The following ATP6V0D2 variants were observed in gnomAD, a reference collection of about 807,000 sequenced individuals.
ATP6V0D2 encodes ATPase H+ transporting V0 subunit d2.
A neutral mutation model predicts 40.0 loss-of-function variants in ATP6V0D2; 40 were observed. That is an observed-to-expected ratio of 1.00 (90% CI 0.78 to 1.30). The LOEUF (loss-of-function observed/expected upper bound fraction) is 1.30, where lower values mean the gene tolerates loss of function less well. ATP6V0D2 is among the 50% of genes most tolerant of loss of function. The probability of loss-of-function intolerance (pLI) is 0.00; values close to 1 mark genes in which losing one functional copy is unlikely to be tolerated. For missense variants in ATP6V0D2, 470 were observed against 423.1 expected (o/e 1.11, Z -0.97); for synonymous variants, 179 against 156.3 (o/e 1.15, Z -1.08).
chr8:86,105,136 C>G (rs1818452593), intron 1 of ATP6V0D2, among the ~76,000 whole-genome samples: 1 of 152,004 alleles, frequency 6.6e-6, no homozygotes, highest in African/African-American at 2.4e-5. Flanking sequence ...CTCCACGGTA[C>G]CTTGTAATGA....
intron 4 of ATP6V0D2, among the ~76,000 whole-genome samples, chr8:86,142,004 C>T (rs1818981707): frequency 6.6e-6 from 1 of 152,168 alleles, no homozygotes; most frequent in African/African-American, 2.4e-5. Context: ...TACACTGCAT[C>T]ATAGGTACCA....
chr8:86,099,655 G>T (rs924360585), intron 1 of ATP6V0D2, among the ~76,000 whole-genome samples: 5 of 152,054 alleles, frequency 3.3e-5, no homozygotes, highest in Non-Finnish European at 5.9e-5. Flanking sequence ...CACCTGGCCC[G>T]ACTAATTTTT....
In ATP6V0D2 at chr8:86,113,875, T is replaced by A; in HGVS notation, c.297T>A (p.Tyr99Ter). 1 of 1,610,548 alleles carries A rather than the reference T, an allele frequency of 6.2e-7. No homozygotes were observed. Among genetic ancestry groups the A allele is most frequent in the Non-Finnish European group, 8.5e-7 (1 of 1,178,434 alleles). The change falls in exon 2 of 8, where the codon TAT (tyrosine) becomes TAA (stop). Residue 99 changes from tyrosine (Y) to a stop codon, truncating the protein, a stop_gained. Coordinates refer to ENST00000285393, the MANE Select transcript of ATP6V0D2 (RefSeq NM_152565.1). LOFTEE classifies it high-confidence loss of function. ...SLEPLSTFLT[Y>*]MTCSYMIDNV... ...AGCCCCTCAGCACATTTCTCACCTA[T>A]ATGACGTAAGTGATGACAGAAAGCC...
intron 1 of ATP6V0D2, among the ~76,000 whole-genome samples, chr8:86,109,483 A>G (rs1028419768): frequency 6.6e-6 from 1 of 152,098 alleles, no homozygotes. Context: ...TCCACTTTTC[A>G]CTGATTACAG....
intron 2 of ATP6V0D2, among the ~76,000 whole-genome samples, chr8:86,122,802 G>A (rs1818686985): frequency 6.6e-6 from 1 of 152,232 alleles, no homozygotes; most frequent in South Asian, 2.1e-4. Context: ...GAAAGAATAA[G>A]TGAGGCATGA....
At chr8:86,151,806 C>G (rs891777836) in intron 7 of ATP6V0D2, among the ~76,000 whole-genome samples, 6 of 144,128 alleles carry the variant, frequency 4.2e-5, no homozygotes, top group Non-Finnish European at 6.0e-5. Flanking sequence ...TTAAAAACTG[C>G]GAGAAGTAAT....
rs930409941 is a variant in ATP6V0D2 at position 86,139,405 on chromosome 8, T to A, written c.303-52T>A. 2.0e-6 allele frequency: 3 copies of A among 1,500,196 alleles called. No individual in the cohort carries two copies. In the African/African-American group the frequency reaches 4.2e-5, roughly 21 times the overall value. 92.9% of individuals were successfully genotyped at this position (1,500,196 alleles called of 1,614,324 possible). Reference sequence around the variant, plus strand: ...TGTGTGTTTTTTACTTGTGGGATGCTTCTTATCCTTTTGCAGCTGTCCTCT... The same window carrying A: ...TGTGTGTTTTTTACTTGTGGGATGCATCTTATCCTTTTGCAGCTGTCCTCT... On this transcript the variant is annotated intron_variant, in intron 2 of 7. Transcript: ENST00000285393.
At chr8:86,110,739 T>C (rs568371396) in intron 1 of ATP6V0D2, among the ~76,000 whole-genome samples, 1 of 152,302 alleles carries the variant, frequency 6.6e-6, no homozygotes, top group African/African-American at 2.4e-5. Flanking sequence ...CAAAACTTGA[T>C]GATTTGGAAA....
intron 5 of ATP6V0D2, 115 bp downstream of exon 5, chr8:86,143,069 A>G: frequency 1.6e-6 from 1 of 631,108 alleles, no homozygotes. Context: ...TAGAAGTAAG[A>G]CAAGCAGTAC....
At position 86,151,488 on chromosome 8, in the gene ATP6V0D2, C is replaced by T; in HGVS notation, c.839C>T (p.Ala280Val). 2 of 1,605,146 alleles carry T rather than the reference C, an allele frequency of 1.2e-6. No individual in the cohort carries two copies. The highest frequency in any genetic ancestry group is 1.7e-6 in the Non-Finnish European group (2 of 1,176,176). The change falls in exon 7 of 8, where the codon GCT becomes GTT. Residue 280 changes from alanine (A) to valine (V), a missense_variant. By Grantham distance (64) the Ala-to-Val change is moderately conservative. Coordinates refer to ENST00000285393, the MANE Select transcript of ATP6V0D2 (RefSeq NM_152565.1). ...AAGGTATACAAACCTTTATTTGAAGCTGTAGGTGGCAGTGGGGGAAAGACA... is the reference window on the plus strand; with the variant it reads ...AAGGTATACAAACCTTTATTTGAAGTTGTAGGTGGCAGTGGGGGAAAGACA... ...HYGVYKPLFE[A>V]VGGSGGKTLE... is the part of the protein sequence containing the mutation.
In ATP6V0D2 at chr8:86,115,927, T is replaced by C. The variant is rs1818586990; in HGVS notation, c.302+2047T>C. On this transcript the variant is annotated intron_variant, in intron 2 of 7. Transcript: ENST00000285393. ...TTCCATGAAAACAGACCTGCATTCC[T>C]AGGCCTTTGGCACAAAGGAAAACCA... 3.3e-5 allele frequency among the ~76,000 whole-genome samples: 5 copies of C among 152,280 alleles called. No individual in the cohort carries two copies. In the South Asian group the frequency reaches 1.0e-3, roughly 32 times the overall value.
At chr8:86,129,503 C>T (rs1331214332) in intron 2 of ATP6V0D2, among the ~76,000 whole-genome samples, 7 of 151,304 alleles carry the variant, frequency 4.6e-5, no homozygotes, top group African/African-American at 9.7e-5. Context: ...CAGGGAGACC[C>T]TGTCTCTATA....
At chr8:86,112,940 A>G (rs1333740758) in intron 1 of ATP6V0D2, among the ~76,000 whole-genome samples, 1 of 152,134 alleles carries the variant, frequency 6.6e-6, no homozygotes, top group East Asian at 1.9e-4. Flanking sequence ...TTCGTCTGTA[A>G]TAAAAGGATA....
intron 2 of ATP6V0D2, among the ~76,000 whole-genome samples, chr8:86,133,710 G>A (rs754258075): frequency 1.3e-5 from 2 of 151,958 alleles, no homozygotes; most frequent in South Asian, 2.1e-4. Context: ...GCAAATGCTC[G>A]ATGGGGACCC....
chr8:86,150,918 C>T (rs1168866167), intron 6 of ATP6V0D2, among the ~76,000 whole-genome samples: 1 of 152,152 alleles, frequency 6.6e-6, no homozygotes, highest in Non-Finnish European at 1.5e-5. Context: ...TTTTCCAGGG[C>T]TAGAATGACA....
intron 4 of ATP6V0D2, among the ~76,000 whole-genome samples, chr8:86,142,429 G>A (rs948198336): frequency 2.0e-5 from 3 of 152,158 alleles, no homozygotes; most frequent in Non-Finnish European, 4.4e-5. Flanking sequence ...TTAGAGTTGG[G>A]ATCCAAACTC....
chr8:86,103,169 C>G (rs1968869), intron 1 of ATP6V0D2, among the ~76,000 whole-genome samples: 103,094 of 151,626 alleles, frequency 0.68, 36,249 homozygotes, highest in African/African-American at 0.86. Context: ...CCAGGCTGGT[C>G]TCCAATGGCA....
At chr8:86,145,255 G>GAGAGAC (rs1563566173) in intron 5 of ATP6V0D2, among the ~76,000 whole-genome samples, 1 of 51,842 alleles carries the variant, frequency 1.9e-5, no homozygotes, top group South Asian at 5.5e-4. Context: ...GAGAGAGAGA[G>GAGAGAC]AGAAAGAAAG....
At chr8:86,139,756 T>C (rs1403267163) in intron 3 of ATP6V0D2, 121 bp downstream of exon 3, 4 of 1,094,190 alleles carry the variant, frequency 3.7e-6, no homozygotes, top group Non-Finnish European at 3.9e-6. Context: ...ACAATTTTTT[T>C]CCATGAATAC....
Sources: gnomAD v4.1 joint callset for allele counts (sites outside exome capture counted in the v4.1 genomes callset) on GRCh38, gnomAD v4.1.1 for gene constraint, MANE v1.5 for transcripts, NCBI Gene and HGNC (gene_info 2026-07-23, HGNC 2026-07-21) for gene names.